Variants in GABRA3 observed in about 807,000 individuals in gnomAD.
GABRA3 encodes gamma-aminobutyric acid receptor subunit alpha-3.
In GABRA3, 10 loss-of-function variants were observed where a neutral mutation model predicts 30.1. The observed-to-expected ratio is 0.33, with a 90% CI of 0.20 to 0.56. The LOEUF is 0.56. Ranked by LOEUF, GABRA3 falls within the 20% of genes least tolerant of loss-of-function variation. The probability of loss-of-function intolerance (pLI) is 0.89; values close to 1 mark genes in which losing one functional copy is unlikely to be tolerated. For missense variants in GABRA3, 233 were observed against 392.0 expected, an observed-to-expected ratio of 0.59 and a Z score of 3.42; for synonymous variants, 151 against 146.8, an observed-to-expected ratio of 1.03 and a Z score of -0.21.
At chrX:152,201,014 C>T (rs1937477018) in intron 7 of GABRA3, among the ~76,000 whole-genome samples, 1 of 111,960 alleles carries the variant, frequency 8.9e-6, no homozygotes, top group African/African-American at 3.3e-5. Flanking sequence ...GGAGGCTATC[C>T]GGGTCCAGTG....
chrX:152,283,726 G>A (rs1939237769), intron 4 of GABRA3, among the ~76,000 whole-genome samples: 4 of 112,017 alleles, frequency 3.6e-5, no homozygotes, highest in African/African-American at 6.5e-5. Flanking sequence ...TAGTCCAACA[G>A]GCGGAAAGAA....
At chrX:152,286,596 C>T (rs1939301339) in intron 3 of GABRA3, among the ~76,000 whole-genome samples, 1 of 111,473 alleles carries the variant, frequency 9.0e-6, no homozygotes, top group African/African-American at 3.3e-5. Context: ...ACCATATTAG[C>T]TGTACTCATC....
chrX:152,241,511 C>T (rs1311674981), intron 5 of GABRA3, among the ~76,000 whole-genome samples: 1 of 107,547 alleles, frequency 9.3e-6, no homozygotes, highest in Non-Finnish European at 2.0e-5. Context: ...GGCAGGCCTC[C>T]TTGAGCTGTG....
chrX:152,292,952 A>G (rs1939449186), intron 3 of GABRA3, among the ~76,000 whole-genome samples: 1 of 111,666 alleles, frequency 9.0e-6, no homozygotes. Context: ...ACATGTGCTG[A>G]GGAGTGCTTT....
At chrX:152,402,007 C>T (rs745603218) in intron 1 of GABRA3, among the ~76,000 whole-genome samples, 1 of 111,805 alleles carries the variant, frequency 8.9e-6, no homozygotes, top group African/African-American at 3.2e-5. Flanking sequence ...ACATACCCCT[C>T]CCAATAGCTT....
intron 6 of GABRA3, among the ~76,000 whole-genome samples, chrX:152,223,586 T>C: frequency 9.1e-6 from 1 of 110,176 alleles, no homozygotes; most frequent in Non-Finnish European, 1.9e-5. Flanking sequence ...GCTGAACAAG[T>C]CACCTATTTT....
chrX:152,182,960 C>G (rs533871758), intron 9 of GABRA3, among the ~76,000 whole-genome samples: 1 of 103,175 alleles, frequency 9.7e-6, no homozygotes, highest in Non-Finnish European at 2.0e-5. Flanking sequence ...CTTTGGTTTG[C>G]TAGAATTTTG....
chrX:152,331,316 C>G (rs1940162660), intron 3 of GABRA3, among the ~76,000 whole-genome samples: 1 of 110,033 alleles, frequency 9.1e-6, no homozygotes, highest in African/African-American at 3.3e-5. Context: ...CAAGCAGAAG[C>G]TAGATAGCTA....
chrX:152,436,297 C>A (rs1026157686), intron 1 of GABRA3, among the ~76,000 whole-genome samples: 13 of 111,970 alleles, frequency 1.2e-4, no homozygotes, highest in African/African-American at 4.2e-4. Context: ...TCAAGATTTA[C>A]GAAAATGCTA....
At chrX:152,413,497 G>C (rs1383033711) in intron 1 of GABRA3, among the ~76,000 whole-genome samples, 3 of 111,389 alleles carry the variant, frequency 2.7e-5, no homozygotes, top group Non-Finnish European at 5.7e-5. Flanking sequence ...AGTTATGCAA[G>C]GTCGGTTGAA....
At chrX:152,242,686 T>A (rs1399361063) in intron 5 of GABRA3, among the ~76,000 whole-genome samples, 1 of 111,400 alleles carries the variant, frequency 9.0e-6, no homozygotes, top group Non-Finnish European at 1.9e-5. Flanking sequence ...AAAACCACAA[T>A]CAGATATTAC....
chrX:152,383,388 C>CAAAAAAAAAAAAA (rs34736587), intron 1 of GABRA3, among the ~76,000 whole-genome samples: 16 of 35,441 alleles, frequency 4.5e-4, no homozygotes, highest in African/African-American at 7.7e-4. Flanking sequence ...GACTCCATCT[C>CAAAAAAAAAAAAA]AAAAAAAAAA....
At chrX:152,398,675 A>C (rs917365340) in intron 1 of GABRA3, among the ~76,000 whole-genome samples, 35 of 112,471 alleles carry the variant, frequency 3.1e-4, no homozygotes, top group Non-Finnish European at 5.1e-4. Context: ...CTACTTAGAC[A>C]AACATTAAAT....
At chrX:152,185,280 C>T (rs902639698) in intron 9 of GABRA3, among the ~76,000 whole-genome samples, 2 of 111,408 alleles carry the variant, frequency 1.8e-5, no homozygotes, top group African/African-American at 6.5e-5. Context: ...TTTCAATTCT[C>T]ATAATATGCT....
At chrX:152,424,918 T>C (rs922816693) in intron 1 of GABRA3, among the ~76,000 whole-genome samples, 14 of 102,764 alleles carry the variant, frequency 1.4e-4, no homozygotes, top group Admixed American at 4.5e-4. Flanking sequence ...GTATATTTTC[T>C]TTTTCTTTTC....
At chrX:152,368,052 A>G (rs1050027969) in intron 1 of GABRA3, among the ~76,000 whole-genome samples, 5 of 111,903 alleles carry the variant, frequency 4.5e-5, no homozygotes, top group African/African-American at 9.7e-5. Flanking sequence ...TTGCTCCCCT[A>G]GAGTCTGTTC....
intron 1 of GABRA3, among the ~76,000 whole-genome samples, chrX:152,427,472 C>G (rs1194565382): frequency 8.9e-6 from 1 of 112,061 alleles, no homozygotes; most frequent in African/African-American, 3.2e-5. Flanking sequence ...TGGCAAACAG[C>G]TATAGATCTT....
intron 7 of GABRA3, among the ~76,000 whole-genome samples, chrX:152,206,636 G>A (rs935124463): frequency 2.1e-4 from 23 of 111,640 alleles, no homozygotes; most frequent in African/African-American, 7.2e-4. Flanking sequence ...CAGTGGCCCA[G>A]GTAGCCAATG....
intron 7 of GABRA3, among the ~76,000 whole-genome samples, chrX:152,201,504 G>T (rs975226258): frequency 1.5e-4 from 17 of 111,881 alleles, no homozygotes; most frequent in African/African-American, 5.2e-4. Flanking sequence ...CTCCCTCCTT[G>T]CCCCTATTGC....
Sources: gnomAD v4.1 joint callset for allele counts (sites outside exome capture counted in the v4.1 genomes callset) on GRCh38, gnomAD v4.1.1 for gene constraint, MANE v1.5 for transcripts, NCBI Gene and HGNC (gene_info 2026-07-23, HGNC 2026-07-21) for gene names.